LRRC4C: variants seen among roughly 807,000 people sequenced by gnomAD.
LRRC4C encodes leucine-rich repeat-containing protein 4C.
Under a neutral mutation model 33.6 loss-of-function variants are expected in LRRC4C, and 5 were observed. That is an observed-to-expected ratio of 0.15 (90% CI 0.08 to 0.31). The LOEUF is 0.31. Among genes scored for constraint, LRRC4C ranks in the 10% least tolerant of loss-of-function variants. LRRC4C has a pLI of 1.00. For missense variants in LRRC4C, 560 were observed against 796.7 expected (o/e 0.70, Z 3.58); for synonymous variants, 329 against 302.0 (o/e 1.09, Z -0.93).
chr11:41,155,134 C>A (rs181858981), intron 1 of LRRC4C, among the ~76,000 whole-genome samples: 25 of 152,240 alleles, frequency 1.6e-4, no homozygotes, highest in African/African-American at 5.5e-4. Context: ...ACCTCTGGAG[C>A]AGCACAAGTC....
At chr11:41,021,208 A>AGTGT (rs1400306899) in intron 1 of LRRC4C, among the ~76,000 whole-genome samples, 40 of 130,876 alleles carry the variant, frequency 3.1e-4, no homozygotes, top group African/African-American at 1.1e-3. Context: ...AGAGAGAGAG[A>AGTGT]GAGAGAGTGT....
rs566845722 is a variant in LRRC4C at position 41,339,990 on chromosome 11, C to A, written c.-496+119441G>T. Among the ~76,000 whole-genome samples the A allele has an allele frequency of 3.9e-5, 6 of 152,088 alleles. No individual in the cohort carries two copies. The East Asian group carries it at 1.2e-3, about 29-fold the overall frequency. On this transcript the variant is annotated intron_variant, in intron 1 of 6. Transcript: ENST00000528697. The stretch of plus-strand genomic sequence containing the variant: ...GAAGACTAAATATATGTGAAGGGCT[C>A]CAGAACTTTATGAAATATTTCCTAA...
chr11:41,443,248 C>T (rs1455684252), intron 1 of LRRC4C, among the ~76,000 whole-genome samples: 1 of 152,050 alleles, frequency 6.6e-6, no homozygotes, highest in Non-Finnish European at 1.5e-5. Context: ...TGGCTCACAC[C>T]TGTAATCACA....
At chr11:40,849,479 T>A (rs932417012) in intron 2 of LRRC4C, among the ~76,000 whole-genome samples, 2 of 152,210 alleles carry the variant, frequency 1.3e-5, no homozygotes, top group Non-Finnish European at 2.9e-5. Flanking sequence ...CCCACTCTCT[T>A]CTGGCTTGCA....
intron 3 of LRRC4C, among the ~76,000 whole-genome samples, chr11:40,595,200 G>A (rs1446138861): frequency 6.6e-6 from 1 of 151,556 alleles, no homozygotes; most frequent in Non-Finnish European, 1.5e-5. Flanking sequence ...CCAAATCAAG[G>A]ATAAAATTTT....
intron 2 of LRRC4C, among the ~76,000 whole-genome samples, chr11:40,913,639 T>C (rs1956798630): frequency 6.6e-6 from 1 of 151,994 alleles, no homozygotes; most frequent in Admixed American, 6.5e-5. Flanking sequence ...TTAAAGGAAC[T>C]TGAGAAGCAA....
At chr11:40,252,057 G>A (rs1179352215) in intron 4 of LRRC4C, among the ~76,000 whole-genome samples, 1 of 151,956 alleles carries the variant, frequency 6.6e-6, no homozygotes, top group African/African-American at 2.4e-5. Flanking sequence ...GAATCAGATG[G>A]CTTTGATGAC....
rs191432354 is a variant in LRRC4C at position 41,205,150 on chromosome 11, G to C, written c.-496+254281C>G. 1.2e-3 allele frequency among the ~76,000 whole-genome samples: 182 copies of C among 152,214 alleles called. 2 individuals are homozygous for C. In the East Asian group the frequency reaches 0.03, roughly 25 times the overall value. On this transcript the variant is annotated intron_variant, in intron 1 of 6. Transcript: ENST00000528697. ...AACATAAAAAAAGTAAGTGTGACTG[G>C]AACAGAATGAACAAAGGAGTAGGGA...
At chr11:40,367,915 A>G (rs1156758138) in intron 3 of LRRC4C, among the ~76,000 whole-genome samples, 1 of 151,928 alleles carries the variant, frequency 6.6e-6, no homozygotes, top group African/African-American at 2.4e-5. Flanking sequence ...TCCAGTCTTT[A>G]GTATAATGTC....
intron 3 of LRRC4C, among the ~76,000 whole-genome samples, chr11:40,415,725 C>T (rs916141414): frequency 6.6e-6 from 1 of 152,114 alleles, no homozygotes; most frequent in Non-Finnish European, 1.5e-5. Flanking sequence ...AAAATGATGG[C>T]CTTGAAGCAA....
At chr11:41,387,146 G>A (rs1427975194) in intron 1 of LRRC4C, among the ~76,000 whole-genome samples, 1 of 151,658 alleles carries the variant, frequency 6.6e-6, no homozygotes, top group Non-Finnish European at 1.5e-5. Flanking sequence ...ACTGATAAAA[G>A]CTTTTTTTCT....
chr11:40,956,085 A>C (rs1958942584), intron 1 of LRRC4C, among the ~76,000 whole-genome samples: 1 of 151,802 alleles, frequency 6.6e-6, no homozygotes, highest in Non-Finnish European at 1.5e-5. Context: ...GTAGATGAGA[A>C]AGCGAGGTTG....
At chr11:40,227,607 C>A (rs1864902357) in intron 5 of LRRC4C, among the ~76,000 whole-genome samples, 2 of 152,076 alleles carry the variant, frequency 1.3e-5, no homozygotes, top group African/African-American at 4.8e-5. Flanking sequence ...GGAGGGTATG[C>A]AGTGTCACAT....
At chr11:40,837,119 T>G (rs372543284) in intron 2 of LRRC4C, among the ~76,000 whole-genome samples, 2 of 152,192 alleles carry the variant, frequency 1.3e-5, no homozygotes, top group African/African-American at 2.4e-5. Flanking sequence ...TTTAGTAGTA[T>G]TATGTGATGC....
At chr11:41,072,072 G>T (rs1938726562) in intron 1 of LRRC4C, among the ~76,000 whole-genome samples, 2 of 151,914 alleles carry the variant, frequency 1.3e-5, no homozygotes, top group South Asian at 2.1e-4. Context: ...TGGTTTTTTT[G>T]AATGGAATCT....
chr11:40,917,309 C>G (rs1957003076), intron 2 of LRRC4C, among the ~76,000 whole-genome samples: 1 of 152,016 alleles, frequency 6.6e-6, no homozygotes, highest in African/African-American at 2.4e-5. Flanking sequence ...TCCTGGGTAA[C>G]TTCTTAGAAG....
chr11:40,787,099 C>A (rs773216478), intron 2 of LRRC4C, among the ~76,000 whole-genome samples: 1 of 152,136 alleles, frequency 6.6e-6, no homozygotes, highest in Non-Finnish European at 1.5e-5. Flanking sequence ...AGTAGTTCTC[C>A]CCATGTCTCA....
At chr11:40,148,375 C>T (rs1469469024) in intron 5 of LRRC4C, among the ~76,000 whole-genome samples, 1 of 152,160 alleles carries the variant, frequency 6.6e-6, no homozygotes. Context: ...AATAGCCATT[C>T]TGACTGGTGT....
chr11:41,232,489 C>T (rs568221317), intron 1 of LRRC4C, among the ~76,000 whole-genome samples: 1 of 152,076 alleles, frequency 6.6e-6, no homozygotes, highest in Non-Finnish European at 1.5e-5. Flanking sequence ...GGTTATCAAT[C>T]ACTGTTTTAA....
Sources: allele counts gnomAD v4.1 joint callset (sites outside exome capture counted in the v4.1 genomes callset), GRCh38; gene constraint gnomAD v4.1.1; transcripts MANE v1.5; gene names NCBI Gene and HGNC (gene_info 2026-07-23, HGNC 2026-07-21).